The following RPH3A variants were observed in gnomAD, a reference collection of about 807,000 sequenced individuals.
RPH3A encodes rabphilin-3A.
Under a neutral mutation model 102.2 loss-of-function variants are expected in RPH3A, and 48 were observed. The ratio of observed to expected loss-of-function variants is 0.47; its 90% confidence interval spans 0.37 to 0.60. RPH3A has a LOEUF of 0.60. RPH3A is among the 20% of genes least tolerant of loss of function. The pLI is 0.00. For synonymous variants in RPH3A, 310 were observed against 324.3 expected, an observed-to-expected ratio of 0.96 and a Z score of 0.47; for missense variants, 781 against 910.1, an observed-to-expected ratio of 0.86 and a Z score of 1.83.
intron 1 of RPH3A, among the ~76,000 whole-genome samples, chr12:112,772,793 C>T (rs907807228): frequency 2.6e-5 from 4 of 151,752 alleles, no homozygotes; most frequent in African/African-American, 7.3e-5. Flanking sequence ...TACATAAGTA[C>T]GTTCTTTAGT....
intron 1 of RPH3A, among the ~76,000 whole-genome samples, chr12:112,691,176 C>A (rs570451702): frequency 2.0e-5 from 3 of 152,344 alleles, no homozygotes; most frequent in Non-Finnish European, 4.4e-5. Context: ...AGGCGCCCGC[C>A]ACCACGCCCG....
At chr12:112,652,439 CA>C (rs1269563024) in intron 1 of RPH3A, among the ~76,000 whole-genome samples, 8 of 152,104 alleles carry the variant, frequency 5.3e-5, no homozygotes, top group Admixed American at 2.6e-4. Flanking sequence ...CACTATATTC[CA>C]GCCTGGGTGA....
At chr12:112,882,916 C>A (rs1008744905) in intron 15 of RPH3A, among the ~76,000 whole-genome samples, 3 of 152,210 alleles carry the variant, frequency 2.0e-5, no homozygotes, top group Non-Finnish European at 4.4e-5. Flanking sequence ...AGGGTACTAT[C>A]TGGGGGGAAC....
At chr12:112,793,913 A>T (rs760903330) in intron 2 of RPH3A, among the ~76,000 whole-genome samples, 2 of 152,190 alleles carry the variant, frequency 1.3e-5, no homozygotes, top group Admixed American at 6.5e-5. Flanking sequence ...TCAGGGCAGC[A>T]TCCCCATTTA....
intron 1 of RPH3A, among the ~76,000 whole-genome samples, chr12:112,590,954 C>T (rs1350465409): frequency 6.6e-6 from 1 of 152,188 alleles, no homozygotes; most frequent in African/African-American, 2.4e-5. Flanking sequence ...GCCACCACAC[C>T]CAGCTAATTT....
intron 1 of RPH3A, among the ~76,000 whole-genome samples, chr12:112,624,610 C>T (rs1592913665): frequency 6.6e-6 from 1 of 151,220 alleles, no homozygotes; most frequent in Non-Finnish European, 1.5e-5. Flanking sequence ...GATTCACAGC[C>T]GTATTCTACC....
intron 1 of RPH3A, among the ~76,000 whole-genome samples, chr12:112,630,465 A>C (rs565153319): frequency 6.6e-6 from 1 of 152,252 alleles, no homozygotes; most frequent in African/African-American, 2.4e-5. Flanking sequence ...CTAGAGCATA[A>C]ATTCCACCAT....
chr12:112,822,861 T>C (rs951176993), intron 2 of RPH3A, among the ~76,000 whole-genome samples: 2 of 152,350 alleles, frequency 1.3e-5, no homozygotes, highest in South Asian at 4.1e-4. Context: ...AAGCCCTTGA[T>C]ATTTGAACTT....
At chr12:112,886,474 G>A (rs2189587) in intron 16 of RPH3A, among the ~76,000 whole-genome samples, 68,406 of 151,340 alleles carry the variant, frequency 0.45, 15,969 homozygotes, top group East Asian at 0.59. Context: ...TTATGCTTCT[G>A]TAAGAATCTA....
At chr12:112,804,721 A>C (rs923952443) in intron 2 of RPH3A, among the ~76,000 whole-genome samples, 2 of 152,172 alleles carry the variant, frequency 1.3e-5, no homozygotes, top group African/African-American at 4.8e-5. Flanking sequence ...CCAGCTGCAG[A>C]GTGGGGATGC....
At chr12:112,767,971 GA>G (rs1383163731) in intron 1 of RPH3A, among the ~76,000 whole-genome samples, 2 of 152,182 alleles carry the variant, frequency 1.3e-5, no homozygotes, top group East Asian at 3.9e-4. Context: ...GGAGAATGGG[GA>G]GTCACTGCTA....
chr12:112,810,947 T>G (rs960333294), intron 2 of RPH3A, among the ~76,000 whole-genome samples: 2 of 145,510 alleles, frequency 1.4e-5, no homozygotes, highest in Admixed American at 6.9e-5. Context: ...ATATAATACA[T>G]ATTTTTTGTG....
chr12:112,634,593 G>A (rs973607101), intron 1 of RPH3A, among the ~76,000 whole-genome samples: 5 of 151,784 alleles, frequency 3.3e-5, no homozygotes, highest in African/African-American at 1.2e-4. Context: ...TGGATGACAG[G>A]TATGTCCATC....
At position 112,775,982 on chromosome 12, in the gene RPH3A, G is replaced by T. The variant is rs1421691030; in HGVS notation, c.-139-16161G>T. Among the ~76,000 whole-genome samples, 5 of 152,154 alleles carry T rather than the reference G, an allele frequency of 3.3e-5. 1 individual carries two copies. The East Asian group carries it at 9.7e-4, about 29-fold the overall frequency. On this transcript the variant is annotated intron_variant, in intron 1 of 21. Transcript: ENST00000543106. The stretch of plus-strand genomic sequence containing the variant: ...AATTGACTGAGTAGAAGTCAGGGGT[G>T]AGGGAGAAATGAAAGGAAAGAGGAT...
chr12:112,833,119 G>C (rs144294233), intron 3 of RPH3A, among the ~76,000 whole-genome samples: 2 of 152,068 alleles, frequency 1.3e-5, no homozygotes, highest in African/African-American at 4.8e-5. Context: ...CAGGTGATCT[G>C]CCCACCTCGG....
intron 1 of RPH3A, among the ~76,000 whole-genome samples, chr12:112,621,366 C>G (rs233708): frequency 0.12 from 18,269 of 147,354 alleles, 1,354 homozygotes; most frequent in South Asian, 0.19. Flanking sequence ...GTGCGCGAGC[C>G]GAAGCAGGGC....
intron 5 of RPH3A, among the ~76,000 whole-genome samples, chr12:112,862,161 G>T (rs2042529187): frequency 6.6e-6 from 1 of 151,914 alleles, no homozygotes; most frequent in Non-Finnish European, 1.5e-5. Context: ...CTTTCCAAAA[G>T]AAATGTTTTT....
intron 1 of RPH3A, among the ~76,000 whole-genome samples, chr12:112,772,149 G>A (rs2040931073): frequency 6.6e-6 from 1 of 151,932 alleles, no homozygotes; most frequent in Admixed American, 6.6e-5. Flanking sequence ...TTTCCCTTAT[G>A]CCCCGGGTTT....
intron 1 of RPH3A, among the ~76,000 whole-genome samples, chr12:112,737,259 G>A (rs1463725289): frequency 6.6e-6 from 1 of 152,034 alleles, no homozygotes; most frequent in Non-Finnish European, 1.5e-5. Flanking sequence ...CAGACATAGT[G>A]GATGAGATTG....
Sources: gnomAD v4.1 joint callset for allele counts (sites outside exome capture counted in the v4.1 genomes callset) on GRCh38, gnomAD v4.1.1 for gene constraint, MANE v1.5 for transcripts, NCBI Gene and HGNC (gene_info 2026-07-23, HGNC 2026-07-21) for gene names.